The following AKR1C8 variants were observed in gnomAD, a reference collection of about 807,000 sequenced individuals.
AKR1C8 encodes the protein aldo-keto reductase family 1 member C-like protein 1.
At chr10:5,124,547 G>T in the AKR1C8 span, among the ~76,000 whole-genome samples, 4 of 151,926 alleles carry the variant, frequency 2.6e-5, no homozygotes, top group East Asian at 7.7e-4. Context: ...TTACTTTAAA[G>T]CCCCAAGGAA....
chr10:5,171,862 TC>T, the AKR1C8 span, among the ~76,000 whole-genome samples: 14 of 152,254 alleles, frequency 9.2e-5, no homozygotes, highest in East Asian at 1.9e-3. Context: ...GAGGTAAAAA[TC>T]CACATTCTTA....
At chr10:5,166,988 C>T in the AKR1C8 span, among the ~76,000 whole-genome samples, 1 of 151,800 alleles carries the variant, frequency 6.6e-6, no homozygotes, top group Admixed American at 6.5e-5. Flanking sequence ...TGAAGAGACG[C>T]TTCTCAAAAG....
the AKR1C8 span, among the ~76,000 whole-genome samples, chr10:5,130,050 A>G: frequency 2.0e-5 from 3 of 152,154 alleles, no homozygotes; most frequent in South Asian, 6.2e-4. Context: ...ATGCATCAGC[A>G]TATCAAAAAG....
At chr10:5,135,274 T>G in the AKR1C8 span, 1 of 190,756 alleles carries the variant, frequency 5.2e-6, no homozygotes, top group Non-Finnish European at 1.1e-5. Flanking sequence ...TTCTTCAACA[T>G]CCAGCATTTA....
At chr10:5,177,849 A>G in the AKR1C8 span, among the ~76,000 whole-genome samples, 2 of 151,850 alleles carry the variant, frequency 1.3e-5, no homozygotes, top group African/African-American at 2.4e-5. Flanking sequence ...TTTTTACTGC[A>G]TCTATTTGAT....
the AKR1C8 span, among the ~76,000 whole-genome samples, chr10:5,177,459 G>A: frequency 2.0e-5 from 3 of 152,046 alleles, no homozygotes; most frequent in African/African-American, 7.2e-5. Flanking sequence ...TTGTGTCTCT[G>A]CCCGGCTTTG....
At chr10:5,124,129 GC>G in the AKR1C8 span, among the ~76,000 whole-genome samples, 2 of 152,174 alleles carry the variant, frequency 1.3e-5, no homozygotes, top group African/African-American at 4.8e-5. Flanking sequence ...AGGATTCTGA[GC>G]TTTGGACATC....
At chr10:5,162,474 T>C in the AKR1C8 span, among the ~76,000 whole-genome samples, 1 of 152,204 alleles carries the variant, frequency 6.6e-6, no homozygotes, top group Non-Finnish European at 1.5e-5. Context: ...GAAAACTCAA[T>C]GCTGATTTGA....
the AKR1C8 span, among the ~76,000 whole-genome samples, chr10:5,182,969 T>C: frequency 1.3e-5 from 2 of 151,998 alleles, no homozygotes; most frequent in Non-Finnish European, 2.9e-5. Context: ...AATATGAAAC[T>C]AAAATTTATT....
chr10:5,133,017 CTCAGAT>C, the AKR1C8 span, among the ~76,000 whole-genome samples: 1 of 152,114 alleles, frequency 6.6e-6, no homozygotes, highest in African/African-American at 2.4e-5. Flanking sequence ...CAAGAACAAC[CTCAGAT>C]TCAGTCATTT....
the AKR1C8 span, among the ~76,000 whole-genome samples, chr10:5,146,031 A>C: frequency 6.6e-6 from 1 of 152,028 alleles, no homozygotes; most frequent in African/African-American, 2.4e-5. Context: ...AAAAATGATA[A>C]GTTCATGTCC....
the AKR1C8 span, among the ~76,000 whole-genome samples, chr10:5,136,431 C>T: frequency 6.8e-5 from 9 of 133,030 alleles, no homozygotes; most frequent in African/African-American, 2.7e-4. Context: ...GCCTATAATT[C>T]CAGCTACTCA....
At chr10:5,118,346 C>T in the AKR1C8 span, among the ~76,000 whole-genome samples, 1 of 59,252 alleles carries the variant, frequency 1.7e-5, no homozygotes, top group East Asian at 2.0e-4. Flanking sequence ...CTTGTACAAC[C>T]TATGTGTCTA....
the AKR1C8 span, chr10:5,122,261 G>C: frequency 3.9e-6 from 1 of 256,340 alleles, no homozygotes; most frequent in Admixed American, 5.3e-5. Flanking sequence ...GGCAAGGATG[G>C]CATTAGGGGA....
the AKR1C8 span, among the ~76,000 whole-genome samples, chr10:5,134,829 A>G: frequency 6.6e-6 from 1 of 152,214 alleles, no homozygotes; most frequent in Non-Finnish European, 1.5e-5. Context: ...TCAATCACCT[A>G]CAAAAGGAAA....
chr10:5,137,294 C>A, the AKR1C8 span, among the ~76,000 whole-genome samples: 1 of 151,856 alleles, frequency 6.6e-6, no homozygotes, highest in African/African-American at 2.4e-5. Context: ...AGAGACACAA[C>A]AAAAAAGAGA....
the AKR1C8 span, among the ~76,000 whole-genome samples, chr10:5,117,814 GA>G: frequency 1.4e-4 from 21 of 152,134 alleles, no homozygotes; most frequent in Admixed American, 7.2e-4. Context: ...AAGCAGCTAT[GA>G]AAAAAGTAAT....
At chr10:5,119,063 C>A in the AKR1C8 span, among the ~76,000 whole-genome samples, 3 of 152,316 alleles carry the variant, frequency 2.0e-5, no homozygotes, top group Admixed American at 1.3e-4. Flanking sequence ...CAATTACACA[C>A]TCCTTACATG....
the AKR1C8 span, chr10:5,158,617 G>T: frequency 2.1e-6 from 1 of 478,450 alleles, no homozygotes; most frequent in South Asian, 1.5e-5. Context: ...GGTCTCTTTG[G>T]GATCCCAGGG....
Sources: gnomAD v4.1 joint callset for allele counts (sites outside exome capture counted in the v4.1 genomes callset) on GRCh38, gnomAD v4.1.1 for gene constraint, MANE v1.5 for transcripts, NCBI Gene and HGNC (gene_info 2026-07-23, HGNC 2026-07-21) for gene names.